RAG1: variants seen among roughly 807,000 people sequenced by gnomAD.
RAG1 encodes the protein V(D)J recombination-activating protein 1.
Under a neutral mutation model 62.7 loss-of-function variants are expected in RAG1, and 35 were observed. The ratio of observed to expected loss-of-function variants is 0.56; its 90% CI spans 0.43 to 0.74. The LOEUF (loss-of-function observed/expected upper bound fraction) is 0.74. RAG1 is among the 30% of genes least tolerant of loss of function. The probability of loss-of-function intolerance (pLI) is 0.00; values close to 1 mark genes in which losing one functional copy is unlikely to be tolerated. For missense variants in RAG1, 1,169 were observed against 1,278.6 expected, an observed-to-expected ratio of 0.91 and a Z score of 1.31; for synonymous variants, 461 against 470.3, an observed-to-expected ratio of 0.98 and a Z score of 0.26.
intron 2 of RAG1, among the ~76,000 whole-genome samples, chr11:36,530,042 G>T (rs897094887): frequency 6.6e-6 from 1 of 151,738 alleles, no homozygotes; most frequent in Non-Finnish European, 1.5e-5. Context: ...TTGGGTTAAC[G>T]GTGGCTGTTT....
chr11:36,562,209 A>T (rs977687092), intron 3 of RAG1, among the ~76,000 whole-genome samples: 20 of 152,332 alleles, frequency 1.3e-4, no homozygotes, highest in African/African-American at 4.3e-4. Flanking sequence ...AGGAAGAGAT[A>T]AATGAAAGAT....
chr11:36,565,396 A>C (rs926808419), upstream of RAG1, among the ~76,000 whole-genome samples: 13 of 152,166 alleles, frequency 8.5e-5, no homozygotes, highest in Non-Finnish European at 1.5e-4. Context: ...ATGGAGAGGC[A>C]GGTGAAAGCA....
intron 1 of RAG1, among the ~76,000 whole-genome samples, chr11:36,572,309 A>T (rs1402923313): frequency 1.3e-5 from 2 of 152,202 alleles, no homozygotes; most frequent in African/African-American, 4.8e-5. Context: ...TACACTTCAC[A>T]TGGCATTGTT....
At chr11:36,523,906 A>G (rs1842064653) in intron 2 of RAG1, among the ~76,000 whole-genome samples, 1 of 152,174 alleles carries the variant, frequency 6.6e-6, no homozygotes, top group South Asian at 2.1e-4. Flanking sequence ...AAGATATAGA[A>G]TATTTCTGCT....
At position 36,573,335 on chromosome 11, in the gene RAG1, C is replaced by T. The variant is rs2133292541; in HGVS notation, c.31C>T (p.Leu11Phe). 6.2e-7 allele frequency: 1 copy of T among 1,614,210 alleles called. No individual in the cohort carries two copies. Among genetic ancestry groups the T allele is most frequent in the Middle Eastern group, 1.6e-4 (1 of 6,062 alleles). MAASFPPTLG[L>F]SSAPDEIQHP... The stretch of plus-strand genomic sequence containing the variant: ...AGCCTCTTTCCCACCCACCTTGGGA[C>T]TCAGTTCTGCCCCAGATGAAATTCA... Residue 11 changes from leucine (L) to phenylalanine (F), a missense_variant, in exon 2 of 2, where the codon CTC (leucine) becomes TTC (phenylalanine). Leu to Phe is a conservative substitution (Grantham distance 22, BLOSUM62 0). This residue lies in a region of RAG1 where 369 missense variants were observed against 335.3 expected (regional missense o/e 1.10). Coordinates refer to ENST00000299440, the MANE Select transcript of RAG1 (RefSeq NM_000448.3).
intron 3 of RAG1, among the ~76,000 whole-genome samples, chr11:36,544,351 T>C (rs1850360820): frequency 6.6e-6 from 1 of 152,176 alleles, no homozygotes; most frequent in African/African-American, 2.4e-5. Flanking sequence ...GTAGCCACTC[T>C]GATAGAACAC....
intron 2 of RAG1, among the ~76,000 whole-genome samples, chr11:36,529,259 C>T (rs1236860493): frequency 6.6e-6 from 1 of 152,104 alleles, no homozygotes; most frequent in Admixed American, 6.5e-5. Flanking sequence ...TACTGGCAAA[C>T]CACATCCAGC....
At chr11:36,529,778 ATTTTC>A (rs1860223204) in intron 2 of RAG1, among the ~76,000 whole-genome samples, 1 of 151,658 alleles carries the variant, frequency 6.6e-6, no homozygotes, top group Non-Finnish European at 1.5e-5. Context: ...TTGATTTAGA[ATTTTC>A]TTTATGTAAT....
intron 3 of RAG1, among the ~76,000 whole-genome samples, chr11:36,548,500 C>G (rs1190999403): frequency 6.6e-6 from 1 of 152,168 alleles, no homozygotes; most frequent in African/African-American, 2.4e-5. Context: ...AGAGCCAAAT[C>G]ATGAGTGAAC....
At position 36,578,092 on chromosome 11, in the gene RAG1, T is replaced by C. The variant is rs1044837803; in HGVS notation, c.*1656T>C. On this transcript the variant is annotated 3_prime_UTR_variant, in exon 2 of 2. Coordinates refer to ENST00000299440, the MANE Select transcript of RAG1 (RefSeq NM_000448.3). ...ATGCTAGTGAGTCATAATGATATGT[T>C]AGTGTTAATTAGTTTTTTCTTCCTT... The C allele has an allele frequency of 3.0e-5, 5 of 166,978 alleles. No homozygotes were observed. The highest frequency in any genetic ancestry group is 1.2e-4 in the African/African-American group (5 of 41,470). 10.3% of individuals were successfully genotyped at this position (166,978 alleles called of 1,614,324 possible).
Position 36,573,730 on chromosome 11 carries a change from A to C in RAG1, c.426A>C (p.Arg142=), listed in dbSNP as rs767227408. The change falls in exon 2 of 2, where the codon CGA becomes CGC. Residue 142 remains arginine (R), a synonymous_variant. Coordinates refer to ENST00000299440, the MANE Select transcript of RAG1 (RefSeq NM_000448.3). Reference sequence around the variant, plus strand: ...ATGGTAAAACCCTAGGCCTTTTACGAAAGAAGGAAAAGAGAGCTACTTCCT... The same window carrying C: ...ATGGTAAAACCCTAGGCCTTTTACGCAAGAAGGAAAAGAGAGCTACTTCCT... The part of the protein sequence containing the change: ...PVDGKTLGLL[R]KKEKRATSWP... 2.5e-6 allele frequency: 4 copies of C among 1,614,044 alleles called. No homozygotes were observed. The Admixed American group carries it at 6.7e-5, about 27-fold the overall frequency.
intron 2 of RAG1, among the ~76,000 whole-genome samples, chr11:36,532,041 TA>T (rs1860264589): frequency 6.6e-6 from 1 of 152,038 alleles, no homozygotes. Context: ...CTAGGGCAGT[TA>T]TATATATTTC....
Position 36,574,765 on chromosome 11 carries a change from G to T in RAG1, c.1461G>T (p.Met487Ile). 6.2e-7 allele frequency: 1 copy of T among 1,614,254 alleles called. No individual in the cohort carries two copies. Among genetic ancestry groups the T allele is most frequent in the Non-Finnish European group, 8.5e-7 (1 of 1,180,040 alleles). ...TFLSCSQYHK[M>I]YRTVKAITGR... ...TCAGCTGCAGTCAGTACCACAAGAT[G>T]TACAGGACTGTGAAAGCCATCACAG... The change falls in exon 2 of 2, where the codon ATG becomes ATT. Residue 487 changes from methionine (M) to isoleucine (I), a missense_variant. By Grantham distance (10) the Met-to-Ile change is conservative. Coordinates refer to ENST00000299440, the MANE Select transcript of RAG1 (RefSeq NM_000448.3).
rs781438678 is a variant in RAG1 at position 36,573,783 on chromosome 11, G to T, written c.479G>T (p.Arg160Leu). 1 of 1,614,060 alleles carries T rather than the reference G, an allele frequency of 6.2e-7. No homozygotes were observed. The highest frequency in any genetic ancestry group is 2.2e-5 in the East Asian group (1 of 44,862). ...SWPDLIAKVFRIDVKADVDSI... is the reference protein window; with the variant it reads ...SWPDLIAKVFLIDVKADVDSI... Reference sequence around the variant, plus strand: ...CCGGACCTCATTGCCAAGGTTTTCCGGATCGATGTGAAGGCAGATGTTGAC... The same window carrying T: ...CCGGACCTCATTGCCAAGGTTTTCCTGATCGATGTGAAGGCAGATGTTGAC... The change falls in exon 2 of 2, where the codon CGG becomes CTG. Residue 160 changes from arginine to leucine, a missense_variant. Arg to Leu is a moderately radical substitution (Grantham distance 102). Around this residue, in one of 2 missense-constraint regions of RAG1, gnomAD observed 369 missense variants for 335.3 expected, o/e 1.10. Coordinates refer to ENST00000299440, the MANE Select transcript of RAG1 (RefSeq NM_000448.3).
chr11:36,563,927 G>C (rs917755684), upstream of RAG1, among the ~76,000 whole-genome samples: 9 of 152,110 alleles, frequency 5.9e-5, no homozygotes, highest in Admixed American at 4.6e-4. Context: ...CCCCAAACCT[G>C]TATATTAGCT....
chr11:36,526,037 G>C (rs1266218533), intron 2 of RAG1, among the ~76,000 whole-genome samples: 1 of 152,210 alleles, frequency 6.6e-6, no homozygotes, highest in Admixed American at 6.5e-5. Context: ...GCATCCTTGA[G>C]ATAAATGTTG....
At chr11:36,528,058 A>G (rs955249141) in intron 2 of RAG1, among the ~76,000 whole-genome samples, 1 of 152,110 alleles carries the variant, frequency 6.6e-6, no homozygotes, top group Non-Finnish European at 1.5e-5. Flanking sequence ...GGAGACTTTA[A>G]CACCCACTGT....
In RAG1 at chr11:36,573,890, T is replaced by C; in HGVS notation, c.586T>C (p.Phe196Leu). 6.2e-7 allele frequency: 1 copy of C among 1,614,154 alleles called. No homozygotes were observed. The highest frequency in any genetic ancestry group is 1.1e-5 in the South Asian group (1 of 91,084). ...TAGCAGTGCCCCATGTGAGGTTTAC[T>C]TCCCGAGGAACGTGACCATGGAGTG... ...KFSSAPCEVYFPRNVTMEWHP... is the reference protein window; with the variant it reads ...KFSSAPCEVYLPRNVTMEWHP... The change falls in exon 2 of 2, where the codon TTC becomes CTC. Residue 196 changes from phenylalanine to leucine, a missense_variant. Coordinates refer to ENST00000299440, the MANE Select transcript of RAG1 (RefSeq NM_000448.3).
intron 2 of RAG1, among the ~76,000 whole-genome samples, chr11:36,528,463 G>T (rs1056973504): frequency 1.3e-5 from 2 of 152,080 alleles, no homozygotes; most frequent in African/African-American, 4.8e-5. Context: ...AAGACACAAC[G>T]TACCAGAATC....
Sources: allele counts gnomAD v4.1 joint callset (sites outside exome capture counted in the v4.1 genomes callset), GRCh38; gene constraint gnomAD v4.1.1; regional missense constraint gnomAD v4.1.1; transcripts MANE v1.5; gene names NCBI Gene and HGNC (gene_info 2026-07-23, HGNC 2026-07-21).